SYNE1: variants seen among roughly 807,000 people sequenced by gnomAD.
The protein encoded by SYNE1 is spectrin repeat containing nuclear envelope protein 1, also known as nesprin-1.
A neutral mutation model predicts 1,111.0 loss-of-function variants in SYNE1; 616 were observed. The ratio of observed to expected loss-of-function variants is 0.55; its 90% CI spans 0.52 to 0.59. The LOEUF (loss-of-function observed/expected upper bound fraction) is 0.59. SYNE1 is among the 20% of genes least tolerant of loss of function. The pLI, the probability that SYNE1 is intolerant of heterozygous loss-of-function variation, is 0.00. For missense variants in SYNE1, 10,006 were observed against 10,417.0 expected, an observed-to-expected ratio of 0.96 and a Z score of 1.72; for synonymous variants, 3,855 against 3,825.8, an observed-to-expected ratio of 1.01 and a Z score of -0.28.
Position 152,204,394 on chromosome 6 carries a change from A to G in SYNE1, c.23019+1774T>C, listed in dbSNP as rs138467281. On this transcript the variant is annotated intron_variant, in intron 126 of 145. Transcript: ENST00000367255. ...AAAAAAAAAAAGAAAAAAAAACAAG[A>G]AAGAAAGATAAAAAAGATCAGCTTC... Among the ~76,000 whole-genome samples the G allele has an allele frequency of 9.7e-4, 147 of 151,724 alleles. 2 individuals carry two copies. The East Asian group carries it at 0.023, about 24-fold the overall frequency.
At chr6:152,210,919 T>C (rs2077409240) in intron 124 of SYNE1, among the ~76,000 whole-genome samples, 1 of 152,170 alleles carries the variant, frequency 6.6e-6, no homozygotes, top group African/African-American at 2.4e-5. Flanking sequence ...TGACTTAAGG[T>C]AGCAAACCAT....
At chr6:152,209,551 A>G (rs1266585503) in intron 124 of SYNE1, among the ~76,000 whole-genome samples, 2 of 152,016 alleles carry the variant, frequency 1.3e-5, no homozygotes, top group Non-Finnish European at 2.9e-5. Context: ...GGAGTTTGAG[A>G]CCAGCCTGGC....
Position 152,428,259 on chromosome 6 carries a change from C to T in SYNE1, c.4922G>A (p.Arg1641Lys). The T allele has an allele frequency of 1.9e-6, 3 of 1,614,074 alleles. No homozygotes were observed. Among genetic ancestry groups the T allele is most frequent in the Non-Finnish European group, 2.5e-6 (3 of 1,180,004 alleles). Reference protein sequence around the residue: ...ALQQQYEDILRRAKERQTALE... With the variant: ...ALQQQYEDILKRAKERQTALE... ...CGCCGTCTGTCTCTCCTTCGCCCTC[C>T]TTAGGATGTCCTCGTATTGCTGCTG... The change falls in exon 37 of 146, where the codon AGG becomes AAG. Residue 1641 changes from arginine to lysine, a missense_variant. By Grantham distance (26) the Arg-to-Lys change is conservative. Transcript: ENST00000367255.
chr6:152,428,104 G>A lies in SYNE1; in HGVS notation c.4976+101C>T, dbSNP rs957431281. ...TCCTACAGTAGACCCACAAGTTCAC[G>A]TCTTTTGCATCTGGGATAACTACTC... On this transcript the variant is annotated intron_variant, in intron 37 of 145. Transcript: ENST00000367255. 22 of 1,497,522 alleles carry A rather than the reference G, an allele frequency of 1.5e-5. 1 individual carries two copies. In the East Asian group the frequency reaches 2.3e-4, roughly 15 times the overall value. The allele number at this position is 1,497,522 out of a possible 1,614,324, so 92.8% of individuals were successfully genotyped here.
At chr6:152,595,473 C>G (rs946129546) in intron 3 of SYNE1, among the ~76,000 whole-genome samples, 1 of 152,210 alleles carries the variant, frequency 6.6e-6, no homozygotes, top group Non-Finnish European at 1.5e-5. Context: ...TCAGATGCAA[C>G]ATCAACTCGT....
chr6:152,492,928 CCT>C (rs113074594), intron 11 of SYNE1, among the ~76,000 whole-genome samples: 29,818 of 152,020 alleles, frequency 0.2, 3,090 homozygotes, highest in Middle Eastern at 0.32. Context: ...GTCTTTTATG[CCT>C]CTTTTTTAGT....
intron 25 of SYNE1, among the ~76,000 whole-genome samples, chr6:152,452,911 T>A (rs1443403035): frequency 1.3e-5 from 2 of 152,224 alleles, no homozygotes; most frequent in Non-Finnish European, 2.9e-5. Context: ...ACCCCCTGCT[T>A]ACTCCCATTT....
intron 51 of SYNE1, among the ~76,000 whole-genome samples, chr6:152,392,113 C>A (rs1338590661): frequency 6.6e-6 from 1 of 152,110 alleles, no homozygotes; most frequent in African/African-American, 2.4e-5. Flanking sequence ...GATTGTGGGA[C>A]CTCTTTGTGC....
chr6:152,221,184 T>C (rs1244620122), intron 118 of SYNE1, 138 bp from the exon 119 acceptor site: 3 of 1,138,324 alleles, frequency 2.6e-6, no homozygotes, highest in Admixed American at 2.1e-5. Flanking sequence ...AAAATTAATG[T>C]TTCATATTCC....
chr6:152,539,419 T>C (rs1010694070), intron 4 of SYNE1, among the ~76,000 whole-genome samples: 1 of 152,220 alleles, frequency 6.6e-6, no homozygotes, highest in East Asian at 1.9e-4. Context: ...AAAGACATTA[T>C]AATATATAGA....
chr6:152,125,210 G>T, intron 145 of SYNE1: 1 of 1,529,266 alleles, frequency 6.5e-7, no homozygotes. Flanking sequence ...GAAATGTTTT[G>T]CTGGTTGGTG....
At chr6:152,368,626 G>T (rs187591938) in intron 61 of SYNE1, 106 of 245,570 alleles carry the variant, frequency 4.3e-4, no homozygotes, top group African/African-American at 2.2e-3. Flanking sequence ...GGATTATTTA[G>T]AACAAAAAAA....
Position 152,407,221 on chromosome 6 carries a change from C to A in SYNE1, c.6541-25G>T, listed in dbSNP as rs1300244550. 1.9e-6 allele frequency: 3 copies of A among 1,611,070 alleles called. No individual in the cohort carries two copies. The East Asian group carries it at 6.7e-5, about 36-fold the overall frequency. On this transcript the variant is annotated intron_variant, in intron 44 of 145. Coordinates refer to ENST00000367255, the MANE Select transcript of SYNE1 (RefSeq NM_182961.4). The stretch of plus-strand genomic sequence containing the variant: ...CCTAGGAGAGAAACAGAAGCCATGG[C>A]ATTCATAGTCAGAGGCGTAAGATGA...
chr6:152,575,883 G>A (rs1488176809), intron 3 of SYNE1, among the ~76,000 whole-genome samples: 1 of 152,194 alleles, frequency 6.6e-6, no homozygotes, highest in African/African-American at 2.4e-5. Context: ...TTAGCAACTT[G>A]AGGTGACTGT....
intron 83 of SYNE1, 34 bp downstream of exon 83, chr6:152,321,687 G>C: frequency 1.9e-6 from 3 of 1,613,140 alleles, no homozygotes; most frequent in Non-Finnish European, 2.5e-6. Flanking sequence ...TTTTTGAAAT[G>C]ATGGGTAAAG....
chr6:152,581,070 A>G (rs780804708), intron 3 of SYNE1, among the ~76,000 whole-genome samples: 5 of 152,208 alleles, frequency 3.3e-5, no homozygotes, highest in Non-Finnish European at 7.3e-5. Flanking sequence ...AAACCTACCT[A>G]GTTAAAATGA....
At chr6:152,368,855 C>A in intron 61 of SYNE1, 117 bp downstream of exon 61, 3 of 1,313,068 alleles carry the variant, frequency 2.3e-6, no homozygotes, top group Non-Finnish European at 3.3e-6. Flanking sequence ...TTACTGCTGA[C>A]CTGGAGACCC....
intron 40 of SYNE1, among the ~76,000 whole-genome samples, chr6:152,418,456 C>G (rs142009866): frequency 6.6e-6 from 1 of 152,166 alleles, no homozygotes; most frequent in African/African-American, 2.4e-5. Flanking sequence ...GGAGTGAACA[C>G]TCAATAAATA....
chr6:152,293,946 C>T lies in SYNE1; in HGVS notation c.17850+14G>A, dbSNP rs772948991. The T allele has an allele frequency of 6.2e-7, 1 of 1,614,018 alleles. No individual in the cohort carries two copies. The highest frequency in any genetic ancestry group is 8.5e-7 in the Non-Finnish European group (1 of 1,180,010). On this transcript the variant is annotated intron_variant, in intron 94 of 145. Transcript: ENST00000367255. Reference sequence around the variant, plus strand: ...TGTCTGGTGGGCATAAACTAGTCCACCTTGAAGACTTACCACATTCTTTAA... The same window carrying T: ...TGTCTGGTGGGCATAAACTAGTCCATCTTGAAGACTTACCACATTCTTTAA...
Sources: gnomAD v4.1 joint callset for allele counts (sites outside exome capture counted in the v4.1 genomes callset) on GRCh38, gnomAD v4.1.1 for gene constraint, MANE v1.5 for transcripts, NCBI Gene and HGNC (gene_info 2026-07-23, HGNC 2026-07-21) for gene names.